Variants in BUB1B observed in about 807,000 individuals in gnomAD.
The protein encoded by BUB1B is BUB1 mitotic checkpoint serine/threonine kinase B.
In BUB1B, 86 loss-of-function variants were observed where a neutral mutation model predicts 137.7. That is an observed-to-expected ratio of 0.62 (90% CI 0.52 to 0.75). The LOEUF is 0.75. Ranked by LOEUF, BUB1B falls within the 30% of genes least tolerant of loss-of-function variation. The pLI, the probability that BUB1B is intolerant of heterozygous loss-of-function variation, is 0.00. For missense variants in BUB1B, 1,130 were observed against 1,236.9 expected (o/e 0.91, Z 1.30); for synonymous variants, 420 against 417.9 (o/e 1.00, Z -0.06).
chr15:40,213,539 T>G, intron 20 of BUB1B, 65 bp downstream of exon 20: 1 of 1,585,748 alleles, frequency 6.3e-7, no homozygotes, highest in East Asian at 2.2e-5. Context: ...TTGCCACTTT[T>G]TTTTTTCTTT....
rs1479874897 is a variant in BUB1B at position 40,200,338 on chromosome 15, G to C, written c.1496G>C (p.Cys499Ser). ...GGAATGACTCTATCCAGTTCTGTTTGTCAAGTAAACTGTTGTGCCAGGTAA... is the reference window on the plus strand; with the variant it reads ...GGAATGACTCTATCCAGTTCTGTTTCTCAAGTAAACTGTTGTGCCAGGTAA... ...IPGMTLSSSV[C>S]QVNCCARETS... Residue 499 changes from cysteine to serine, a missense_variant, in exon 11 of 23, where the codon TGT (cysteine) becomes TCT (serine). Coordinates refer to ENST00000287598, the MANE Select transcript of BUB1B (RefSeq NM_001211.6). 6.2e-7 allele frequency: 1 copy of C among 1,613,784 alleles called. No individual in the cohort carries two copies. Among genetic ancestry groups the C allele is most frequent in the East Asian group, 2.2e-5 (1 of 44,844 alleles).
rs747352704 is a variant in BUB1B, at chr15:40,202,693, G to A, written c.1733G>A (p.Cys578Tyr). ...AATGAAGATGTGTCTCCAGATGTTT[G>A]TGTAAGGAGCAGTATCCTTAAGTTA... ...TSNEDVSPDV[C>Y]DEFTGIEPLS... The change falls in exon 14 of 23, where the codon TGT (cysteine) becomes TAT (tyrosine). Residue 578 changes from cysteine (C) to tyrosine (Y), a missense_variant and splice_region_variant. Transcript: ENST00000287598. The A allele has an allele frequency of 1.2e-6, 2 of 1,610,294 alleles. No individual in the cohort carries two copies. The highest frequency in any genetic ancestry group is 2.2e-5 in the East Asian group (1 of 44,844).
At chr15:40,194,952 G>GCAGA (rs1474748221) in intron 8 of BUB1B, among the ~76,000 whole-genome samples, 2 of 152,098 alleles carry the variant, frequency 1.3e-5, no homozygotes, top group Non-Finnish European at 2.9e-5. Context: ...CCTTATCATA[G>GCAGA]CAGAGGTGGT....
intron 11 of BUB1B, 37 bp from the exon 12 acceptor site, chr15:40,200,894 G>A: frequency 4.4e-6 from 7 of 1,589,308 alleles, no homozygotes; most frequent in South Asian, 1.1e-5. Context: ...CTTTCTGTGG[G>A]TATTGAGCAC....
chr15:40,207,170 T>C (rs759561493), intron 15 of BUB1B, among the ~76,000 whole-genome samples: 2 of 152,160 alleles, frequency 1.3e-5, no homozygotes, highest in Non-Finnish European at 2.9e-5. Context: ...TATCTTTTGA[T>C]AGAGAGGTGG....
intron 22 of BUB1B, among the ~76,000 whole-genome samples, chr15:40,219,805 T>TA (rs879631544): frequency 3.0e-4 from 45 of 148,106 alleles, no homozygotes; most frequent in South Asian, 8.5e-4. Flanking sequence ...ATTCTTTGGT[T>TA]AAAAAAAAAA....
rs1165912405 is a variant in BUB1B at position 40,221,049 on chromosome 15, T to G, written c.*290T>G. 1.6e-5 allele frequency: 7 copies of G among 433,806 alleles called. No individual in the cohort carries two copies. Among genetic ancestry groups the G allele is most frequent in the Non-Finnish European group, 2.5e-5 (6 of 238,902 alleles). The allele number at this position is 433,806 out of a possible 1,614,324, so 26.9% of individuals were successfully genotyped here. A position where few individuals can be genotyped will look rare whatever the true frequency, so the allele number is the denominator to read the frequency against. On this transcript the variant is annotated 3_prime_UTR_variant, in exon 23 of 23. Transcript: ENST00000287598. ...TTGTCTCTACTTTTCCCTGTACTTT[T>G]CCCATTTGTAATTTGTAAAATGTTC...
At chr15:40,187,318 G>A (rs1270284673) in intron 8 of BUB1B, among the ~76,000 whole-genome samples, 5 of 152,086 alleles carry the variant, frequency 3.3e-5, no homozygotes, top group Middle Eastern at 3.4e-3. Flanking sequence ...AGTAGAGACG[G>A]GATTTCACCG....
chr15:40,190,888 A>AT (rs1399316223), intron 8 of BUB1B, among the ~76,000 whole-genome samples: 15,698 of 141,240 alleles, frequency 0.11, 2,301 homozygotes, highest in African/African-American at 0.34. Flanking sequence ...ACGCCTTGTA[A>AT]TTTTTTTTTT....
At chr15:40,188,599 TC>T (rs1386315296) in intron 8 of BUB1B, among the ~76,000 whole-genome samples, 5 of 150,756 alleles carry the variant, frequency 3.3e-5, no homozygotes, top group African/African-American at 9.7e-5. Flanking sequence ...TTTTTTTTTT[TC>T]GAGACAGAGT....
intron 2 of BUB1B, chr15:40,166,507 T>C: frequency 3.4e-6 from 1 of 294,172 alleles, no homozygotes; most frequent in Non-Finnish European, 6.6e-6. Context: ...GCCCAGCTAA[T>C]TTTTTCTATT....
chr15:40,167,342 CT>C (rs767161007), intron 2 of BUB1B, among the ~76,000 whole-genome samples: 160 of 77,116 alleles, frequency 2.1e-3, no homozygotes, highest in African/African-American at 5.0e-3. Context: ...TTCATTTTAG[CT>C]TTTTTTTTTT....
intron 8 of BUB1B, among the ~76,000 whole-genome samples, chr15:40,186,376 G>A (rs12148261): frequency 0.12 from 17,191 of 148,370 alleles, 1,161 homozygotes; most frequent in Non-Finnish European, 0.15. Context: ...GTAGCTGGTG[G>A]TTAAATAAAC....
intron 5 of BUB1B, among the ~76,000 whole-genome samples, chr15:40,180,775 G>A (rs960407200): frequency 6.8e-6 from 1 of 146,882 alleles, no homozygotes; most frequent in African/African-American, 2.5e-5. Context: ...TCAGCCTCCC[G>A]AGTAGCTGGG....
At chr15:40,172,156 AG>A (rs1349405674) in intron 4 of BUB1B, among the ~76,000 whole-genome samples, 1 of 151,828 alleles carries the variant, frequency 6.6e-6, no homozygotes, top group Non-Finnish European at 1.5e-5. Flanking sequence ...TCTTACTAAA[AG>A]TAATAAAGTA....
At position 40,177,555 on chromosome 15, in the gene BUB1B, CTAT is replaced by C. The variant is rs377425492; in HGVS notation, c.581+887_581+889del. On this transcript the variant is annotated intron_variant, in intron 5 of 22. Coordinates refer to ENST00000287598, the MANE Select transcript of BUB1B (RefSeq NM_001211.6). ...TGATCATATTCATGTAGGTTTATTT[CTAT>C]TATTCTATTTTTTCTACCGATGTAC... 1.1e-3 allele frequency among the ~76,000 whole-genome samples: 173 copies of C among 152,016 alleles called. 2 individuals are homozygous for C. The South Asian group carries it at 0.035, about 31-fold the overall frequency.
At chr15:40,209,050 C>G (rs1216333396) in intron 16 of BUB1B, among the ~76,000 whole-genome samples, 1 of 152,152 alleles carries the variant, frequency 6.6e-6, no homozygotes, top group East Asian at 1.9e-4. Flanking sequence ...CTCAAAGGAT[C>G]CTCCCGCCTC....
intron 2 of BUB1B, chr15:40,166,283 G>T (rs1295949323): frequency 5.2e-6 from 2 of 386,972 alleles, no homozygotes; most frequent in Non-Finnish European, 4.9e-6. Context: ...TATAAATAAT[G>T]TTGCTATGGA....
At chr15:40,204,822 G>C (rs2037616987) in intron 14 of BUB1B, among the ~76,000 whole-genome samples, 1 of 151,534 alleles carries the variant, frequency 6.6e-6, no homozygotes, top group Non-Finnish European at 1.5e-5. Context: ...TTTTTGGAGA[G>C]ACAGGGTTTT....
Sources: gnomAD v4.1 joint callset for allele counts (sites outside exome capture counted in the v4.1 genomes callset) on GRCh38, gnomAD v4.1.1 for gene constraint, MANE v1.5 for transcripts, NCBI Gene and HGNC (gene_info 2026-07-23, HGNC 2026-07-21) for gene names.